CNTNAP2: variants seen among roughly 807,000 people sequenced by gnomAD.
CNTNAP2 encodes contactin-associated protein-like 2.
CNTNAP2 carries 98 observed loss-of-function variants against 155.2 expected under a neutral mutation model. The ratio of observed to expected loss-of-function variants is 0.63; its 90% CI spans 0.54 to 0.75. The LOEUF (loss-of-function observed/expected upper bound fraction) is 0.75, where lower values mean the gene tolerates loss of function less well. CNTNAP2 is among the 30% of genes least tolerant of loss of function. The pLI is 0.00. For synonymous variants in CNTNAP2, 651 were observed against 631.2 expected, an observed-to-expected ratio of 1.03 and a Z score of -0.47; for missense variants, 1,727 against 1,688.1, an observed-to-expected ratio of 1.02 and a Z score of -0.40.
intron 8 of CNTNAP2, among the ~76,000 whole-genome samples, chr7:147,221,116 G>T (rs1285021762): frequency 6.7e-6 from 1 of 148,604 alleles, no homozygotes; most frequent in African/African-American, 2.5e-5. Context: ...CCACTTCATG[G>T]GTAGTGTGAG....
intron 1 of CNTNAP2, among the ~76,000 whole-genome samples, chr7:146,704,131 T>G (rs1323599256): frequency 1.3e-5 from 2 of 152,170 alleles, no homozygotes; most frequent in Non-Finnish European, 2.9e-5. Context: ...ATTTTGTAAA[T>G]TGCAATCATG....
At chr7:148,125,750 A>G (rs1804706541) in intron 16 of CNTNAP2, among the ~76,000 whole-genome samples, 2 of 148,454 alleles carry the variant, frequency 1.3e-5, no homozygotes, top group South Asian at 4.2e-4. Context: ...CAGCTGGGCT[A>G]GAGTGCAGTG....
chr7:148,202,103 C>T (rs1283715589), intron 18 of CNTNAP2, among the ~76,000 whole-genome samples: 2 of 151,960 alleles, frequency 1.3e-5, no homozygotes, highest in Non-Finnish European at 1.5e-5. Context: ...TTGCAGAATC[C>T]TTTATTTCAA....
chr7:148,320,262 G>A (rs1797766260), intron 21 of CNTNAP2, among the ~76,000 whole-genome samples: 1 of 151,544 alleles, frequency 6.6e-6, no homozygotes, highest in African/African-American at 2.4e-5. Context: ...CTCATTCTCT[G>A]TAGAATTTTT....
At chr7:147,905,632 C>T (rs1799944522) in intron 14 of CNTNAP2, among the ~76,000 whole-genome samples, 1 of 152,218 alleles carries the variant, frequency 6.6e-6, no homozygotes, top group South Asian at 2.1e-4. Flanking sequence ...CCTATAATCC[C>T]AGCACTTTGG....
chr7:147,476,091 T>TTTTTTA (rs1285435950), intron 10 of CNTNAP2, among the ~76,000 whole-genome samples: 1 of 151,894 alleles, frequency 6.6e-6, no homozygotes, highest in African/African-American at 2.4e-5. Flanking sequence ...TTTATTTTTA[T>TTTTTTA]TTTTTATTTT....
chr7:146,355,968 T>G (rs1279105642), intron 1 of CNTNAP2, among the ~76,000 whole-genome samples: 7 of 151,972 alleles, frequency 4.6e-5, no homozygotes, highest in Middle Eastern at 6.8e-3. Context: ...TCCCCTGACT[T>G]AACCAAATAT....
chr7:146,691,876 T>C (rs1478296892), intron 1 of CNTNAP2, among the ~76,000 whole-genome samples: 3 of 152,146 alleles, frequency 2.0e-5, no homozygotes, highest in African/African-American at 7.2e-5. Flanking sequence ...ATTCAGTGAC[T>C]ACTTTGAACA....
At chr7:147,409,349 T>A (rs530231225) in intron 10 of CNTNAP2, among the ~76,000 whole-genome samples, 1 of 152,336 alleles carries the variant, frequency 6.6e-6, no homozygotes, top group South Asian at 2.1e-4. Flanking sequence ...GCTAGCCATA[T>A]GCAGAAAATT....
intron 2 of CNTNAP2, among the ~76,000 whole-genome samples, chr7:146,793,920 A>G (rs1301326258): frequency 6.6e-6 from 1 of 152,190 alleles, no homozygotes; most frequent in Non-Finnish European, 1.5e-5. Flanking sequence ...GGACTCTAGG[A>G]TGTGTCTTAC....
intron 1 of CNTNAP2, among the ~76,000 whole-genome samples, chr7:146,746,166 T>G (rs760293618): frequency 6.6e-6 from 1 of 152,236 alleles, no homozygotes; most frequent in Non-Finnish European, 1.5e-5. Context: ...AATTCATTGT[T>G]GCACAAGGTT....
chr7:146,449,549 G>T (rs1312331123), intron 1 of CNTNAP2, among the ~76,000 whole-genome samples: 1 of 151,988 alleles, frequency 6.6e-6, no homozygotes, highest in Non-Finnish European at 1.5e-5. Context: ...AATGACTTGG[G>T]GCTGCAGTTC....
chr7:148,381,058 G>A (rs900116035), intron 21 of CNTNAP2, among the ~76,000 whole-genome samples: 11 of 152,242 alleles, frequency 7.2e-5, no homozygotes, highest in East Asian at 3.9e-4. Context: ...GTAAGCACGC[G>A]GGTGAGTGGG....
intron 14 of CNTNAP2, among the ~76,000 whole-genome samples, chr7:147,942,683 C>T (rs1192835220): frequency 6.6e-6 from 1 of 152,022 alleles, no homozygotes; most frequent in Non-Finnish European, 1.5e-5. Flanking sequence ...GGAAAAAATA[C>T]AGAAAGCATA....
intron 1 of CNTNAP2, among the ~76,000 whole-genome samples, chr7:146,127,327 A>G (rs975952103): frequency 6.6e-6 from 1 of 152,202 alleles, no homozygotes; most frequent in African/African-American, 2.4e-5. Context: ...CAGGTGAAAT[A>G]CTAAGACGCA....
chr7:147,925,852 T>C (rs1409094991), intron 14 of CNTNAP2, among the ~76,000 whole-genome samples: 1 of 152,192 alleles, frequency 6.6e-6, no homozygotes, highest in African/African-American at 2.4e-5. Flanking sequence ...ATTCTCTGTA[T>C]TCCCTCCATT....
At chr7:146,373,429 C>G (rs753547400) in intron 1 of CNTNAP2, among the ~76,000 whole-genome samples, 8 of 151,778 alleles carry the variant, frequency 5.3e-5, no homozygotes, top group Non-Finnish European at 1.0e-4. Context: ...CACACACACA[C>G]ACACTTAGGC....
intron 1 of CNTNAP2, among the ~76,000 whole-genome samples, chr7:146,260,875 A>T (rs761065192): frequency 6.6e-6 from 1 of 152,198 alleles, no homozygotes. Flanking sequence ...AGGACATGAC[A>T]TTTGGAAGGT....
intron 15 of CNTNAP2, among the ~76,000 whole-genome samples, chr7:148,008,000 G>A (rs186976404): frequency 3.9e-5 from 6 of 152,188 alleles, no homozygotes; most frequent in Admixed American, 2.6e-4. Flanking sequence ...CTAAATTAAG[G>A]ATCTATAAAT....
Sources: allele counts gnomAD v4.1 joint callset (sites outside exome capture counted in the v4.1 genomes callset), GRCh38; gene constraint gnomAD v4.1.1; transcripts MANE v1.5; gene names NCBI Gene and HGNC (gene_info 2026-07-23, HGNC 2026-07-21).